The following ENTR1 variants were observed in gnomAD, a reference collection of about 807,000 sequenced individuals.
The protein encoded by ENTR1 is endosome associated trafficking regulator 1, also known as endosome-associated-trafficking regulator 1.
A neutral mutation model predicts 47.9 loss-of-function variants in ENTR1; 47 were observed. That is an observed-to-expected ratio of 0.98 (90% CI 0.78 to 1.25). The LOEUF is 1.25. ENTR1 is among the 50% of genes most tolerant of loss of function. The pLI is 0.00. For missense variants in ENTR1, 668 were observed against 570.5 expected (o/e 1.17, Z -1.74); for synonymous variants, 290 against 245.8 (o/e 1.18, Z -1.68).
intron 6 of ENTR1, 70 bp from the exon 7 acceptor site, chr9:136,405,272 A>G: frequency 8.0e-7 from 1 of 1,252,502 alleles, no homozygotes. Flanking sequence ...AAGATACCTC[A>G]TGAGCCAGAT....
In ENTR1 at chr9:136,404,616, C is replaced by T; in HGVS notation, c.1068+15G>A. 2.5e-6 allele frequency: 4 copies of T among 1,612,494 alleles called. No individual in the cohort carries two copies. Among genetic ancestry groups the T allele is most frequent in the Non-Finnish European group, 3.4e-6 (4 of 1,178,620 alleles). On this transcript the variant is annotated intron_variant, in intron 8 of 9. Coordinates refer to ENST00000357365, the MANE Select transcript of ENTR1 (RefSeq NM_001039707.2). ...CAAATCAAAGAAAAACACTGAAGTC[C>T]CTTCCTTTAATTACCTGGAGCAAAC...
Position 136,407,561 on chromosome 9 carries a change from C to A in ENTR1, c.403G>T (p.Glu135Ter). Reference protein sequence around the residue: ...EDPASRIYAKEASRHSLGLDH... With the variant: ...EDPASRIYAK ...AGTCCCAGGGAATGCCTCGAGGCTT[C>A]CTAAAAAAAAAAAAAAAAAAAAAAC... is the stretch of plus-strand genomic sequence containing the variant. Residue 135 changes from glutamate to a stop codon, truncating the protein, a stop_gained and splice_region_variant, in exon 5 of 10, where the codon GAA (glutamate) becomes TAA (stop). Coordinates refer to ENST00000357365, the MANE Select transcript of ENTR1 (RefSeq NM_001039707.2). LOFTEE classifies it high-confidence loss of function. 1 of 1,342,282 alleles carries A rather than the reference C, an allele frequency of 7.4e-7. No individual in the cohort carries two copies. Among genetic ancestry groups the A allele is most frequent in the Non-Finnish European group, 9.6e-7 (1 of 1,040,910 alleles). 83.1% of individuals were successfully genotyped at this position (1,342,282 alleles called of 1,614,324 possible).
At chr9:136,409,949 G>A in intron 2 of ENTR1, 141 bp downstream of exon 2, 1 of 1,026,080 alleles carries the variant, frequency 9.7e-7, no homozygotes, top group East Asian at 2.5e-5. Flanking sequence ...AGGGGACTCC[G>A]CCTTTGAATT....
At position 136,410,388 on chromosome 9, in the gene ENTR1, A is replaced by T. The variant is rs1287142292; in HGVS notation, c.10T>A (p.Tyr4Asn). Residue 4 changes from tyrosine (Y) to asparagine (N), a missense_variant, in exon 1 of 10, where the codon TAC (tyrosine) becomes AAC (asparagine). Coordinates refer to ENST00000357365, the MANE Select transcript of ENTR1 (RefSeq NM_001039707.2). ...GGGGTGGCGCCCGGGCGGCGCTGGT[A>T]GCCCGACATCGCCGCCGGCCCGGCG... Reference protein sequence around the residue: MSGYQRRPGATPLS... With the variant: MSGNQRRPGATPLS... 4 of 1,407,108 alleles carry T rather than the reference A, an allele frequency of 2.8e-6. No individual in the cohort carries two copies. In the East Asian group the frequency reaches 1.2e-4, roughly 42 times the overall value. 87.2% of individuals were successfully genotyped at this position (1,407,108 alleles called of 1,614,324 possible).
In ENTR1 at chr9:136,407,939, C is replaced by T. The variant is rs773615932; in HGVS notation, c.290-1G>A. The T allele has an allele frequency of 5.1e-6, 8 of 1,567,788 alleles. No individual in the cohort carries two copies. The highest frequency in any genetic ancestry group is 7.0e-6 in the Non-Finnish European group (8 of 1,138,138). On this transcript the variant is annotated splice_acceptor_variant, in intron 3 of 9. Coordinates refer to ENST00000357365, the MANE Select transcript of ENTR1 (RefSeq NM_001039707.2). LOFTEE classifies it high-confidence loss of function. ...TCTTCCAGATCTTCAAATCTGTCAT[C>T]TGAAATAACAGACATCACAAATGCA...
chr9:136,402,652 C>G lies in ENTR1; in HGVS notation c.*136G>C, dbSNP rs370918897. 4 of 601,660 alleles carry G rather than the reference C, an allele frequency of 6.6e-6. No homozygotes were observed. Among genetic ancestry groups the G allele is most frequent in the Non-Finnish European group, 1.2e-5 (4 of 344,934 alleles). 37.3% of individuals were successfully genotyped at this position (601,660 alleles called of 1,614,324 possible). A position where few individuals can be genotyped will look rare whatever the true frequency, so the allele number is the denominator to read the frequency against. On this transcript the variant is annotated 3_prime_UTR_variant, in exon 10 of 10. Transcript: ENST00000357365. ...GGTGGCCAAGAACTGGCTGAGGGCA[C>G]GACACTGGACTCTTGCGATCAACAC...
chr9:136,410,215 G>C lies in ENTR1; in HGVS notation c.95C>G (p.Ser32Cys), dbSNP rs1835030291. The C allele has an allele frequency of 6.3e-7, 1 of 1,591,736 alleles. No homozygotes were observed. The highest frequency in any genetic ancestry group is 1.8e-5 in the Admixed American group (1 of 55,216). The change falls in exon 2 of 10, where the codon TCT becomes TGT. Residue 32 changes from serine (S) to cysteine (C), a missense_variant. By Grantham distance (112) the Ser-to-Cys change is moderately radical. Transcript: ENST00000357365. Reference sequence around the variant, plus strand: ...CTCACAATTTAGCTGGGGGAGACAAGACCGGCGCTCATAGAACGCTGGAGC... The same window carrying C: ...CTCACAATTTAGCTGGGGGAGACAACACCGGCGCTCATAGAACGCTGGAGC... ...PDAPAFYERR[S>C]CLPQLNCERP...
chr9:136,404,764 C>T (rs141584067), intron 7 of ENTR1, 71 bp from the exon 8 acceptor site: 42 of 1,543,064 alleles, frequency 2.7e-5, no homozygotes, highest in Non-Finnish European at 3.7e-5. Flanking sequence ...ACACGGGCCC[C>T]AACCCAGGGA....
intron 2 of ENTR1, chr9:136,409,881 T>C (rs1380459365): frequency 5.5e-6 from 4 of 728,212 alleles, no homozygotes; most frequent in Non-Finnish European, 5.0e-6. Context: ...AACCATCCTG[T>C]ACTGGAACTG....
chr9:136,404,526 G>C, intron 8 of ENTR1, 105 bp downstream of exon 8: 1 of 1,234,008 alleles, frequency 8.1e-7, no homozygotes. Context: ...TTCTCTGCTT[G>C]GGCTCAGGGG....
intron 2 of ENTR1, 97 bp from the exon 3 acceptor site, chr9:136,409,164 G>A: frequency 1.0e-6 from 1 of 987,386 alleles, no homozygotes; most frequent in South Asian, 1.3e-5. Context: ...CACTGCAGTG[G>A]TTCTCACAGT....
intron 9 of ENTR1, 23 bp downstream of exon 9, chr9:136,404,032 C>G (rs377616732): frequency 2.2e-5 from 35 of 1,557,954 alleles, no homozygotes; most frequent in Non-Finnish European, 2.9e-5. Flanking sequence ...CGCCAGGCTT[C>G]CCGGTGCCTC....
In ENTR1 at chr9:136,405,289, C is replaced by CT. The variant is rs1834713441; in HGVS notation, c.894-88_894-87insA. The CT allele has an allele frequency of 6.7e-6, 7 of 1,041,008 alleles. No individual in the cohort carries two copies. In the East Asian group the frequency reaches 1.7e-4, roughly 25 times the overall value. 64.5% of individuals were successfully genotyped at this position (1,041,008 alleles called of 1,614,324 possible). On this transcript the variant is annotated intron_variant, in intron 6 of 9. Transcript: ENST00000357365. Reference sequence around the variant, plus strand: ...GATACCTCATGAGCCAGATAAAACCCGCTAAGAGCCTGTGATGGAATGGGT... The same window carrying CT: ...GATACCTCATGAGCCAGATAAAACCCTGCTAAGAGCCTGTGATGGAATGGGT...
Position 136,402,595 on chromosome 9 carries a change from A to G in ENTR1, c.*193T>C, listed in dbSNP as rs1834537246. The G allele has an allele frequency of 4.3e-6, 2 of 469,252 alleles. No individual in the cohort carries two copies. The highest frequency in any genetic ancestry group is 7.5e-6 in the Non-Finnish European group (2 of 265,056). 29.1% of individuals were successfully genotyped at this position (469,252 alleles called of 1,614,324 possible). A position where few individuals can be genotyped will look rare whatever the true frequency, so the allele number is the denominator to read the frequency against. ...CCAAGAAGGGCTGCATAGAAACCAC[A>G]GAGACAACTCGGCCAGGGCTGCTCC... On this transcript the variant is annotated 3_prime_UTR_variant, in exon 10 of 10. Coordinates refer to ENST00000357365, the MANE Select transcript of ENTR1 (RefSeq NM_001039707.2).
chr9:136,407,720 C>T (rs370910123), intron 4 of ENTR1, 106 bp downstream of exon 4: 43 of 1,358,402 alleles, frequency 3.2e-5, no homozygotes, highest in East Asian at 1.8e-4. Flanking sequence ...CCAGCACTGA[C>T]GCCTGCCTGC....
At position 136,410,210 on chromosome 9, in the gene ENTR1, G is replaced by C. The variant is rs951114639; in HGVS notation, c.100C>G (p.Leu34Val). The change falls in exon 2 of 10, where the codon CTC becomes GTC. Residue 34 changes from leucine (L) to valine (V), a missense_variant. By Grantham distance (32) the Leu-to-Val change is conservative. Transcript: ENST00000357365. ...APAFYERRSCLPQLNCERPHG... is the reference protein window; with the variant it reads ...APAFYERRSCVPQLNCERPHG... ...GGGCGCTCACAATTTAGCTGGGGGA[G>C]ACAAGACCGGCGCTCATAGAACGCT... 3.1e-6 allele frequency: 5 copies of C among 1,594,852 alleles called. No individual in the cohort carries two copies. Among genetic ancestry groups the C allele is most frequent in the Middle Eastern group, 3.3e-4 (2 of 6,038 alleles).
intron 9 of ENTR1, 32 bp downstream of exon 9, chr9:136,404,023 G>T (rs1014886666): frequency 6.4e-7 from 1 of 1,553,098 alleles, no homozygotes; most frequent in Non-Finnish European, 8.7e-7. Context: ...CCCTTTCCCC[G>T]CCAGGCTTCC....
intron 7 of ENTR1, 186 bp downstream of exon 7, chr9:136,404,905 C>T (rs1006309369): frequency 3.5e-5 from 23 of 665,364 alleles, no homozygotes; most frequent in Non-Finnish European, 5.7e-5. Context: ...CCACTCCCCA[C>T]GGATGCCCTC....
rs753240713 is a variant in ENTR1, at chr9:136,407,804, G to A, written c.402+22C>T. On this transcript the variant is annotated intron_variant, in intron 4 of 9. Coordinates refer to ENST00000357365, the MANE Select transcript of ENTR1 (RefSeq NM_001039707.2). ...AACAGAAACGTCCCACAGAGCCATC[G>A]CCCACAGTGCCGTGGATTTACCTTT... The A allele has an allele frequency of 2.2e-5, 34 of 1,538,554 alleles. No homozygotes were observed. The South Asian group carries it at 3.5e-4, about 16-fold the overall frequency.
Sources: allele counts gnomAD v4.1 joint callset, GRCh38; gene constraint gnomAD v4.1.1; transcripts MANE v1.5; gene names NCBI Gene and HGNC (gene_info 2026-07-23, HGNC 2026-07-21).